PPHLN1: variants seen among roughly 807,000 people sequenced by gnomAD.
PPHLN1 encodes periphilin 1.
PPHLN1 carries 29 observed loss-of-function variants against 51.3 expected under a neutral mutation model. That is an observed-to-expected ratio of 0.57 (90% CI 0.42 to 0.77). The LOEUF is 0.77. PPHLN1 is among the 30% of genes least tolerant of loss of function. The pLI, the probability that PPHLN1 is intolerant of heterozygous loss-of-function variation, is 0.00. For missense variants in PPHLN1, 436 were observed against 438.4 expected, an observed-to-expected ratio of 0.99 and a Z score of 0.05; for synonymous variants, 147 against 147.8, an observed-to-expected ratio of 0.99 and a Z score of 0.04.
chr12:42,424,825 A>G (rs1349507196), intron 9 of PPHLN1, among the ~76,000 whole-genome samples: 1 of 152,230 alleles, frequency 6.6e-6, no homozygotes, highest in Non-Finnish European at 1.5e-5. Context: ...CCTGGATACT[A>G]TAAAAAAATG....
chr12:42,398,890 G>A lies in PPHLN1; in HGVS notation c.805G>A (p.Glu269Lys), dbSNP rs752186932. The change falls in exon 9 of 10, where the codon GAG becomes AAG. Residue 269 changes from glutamate (E) to lysine (K), a missense_variant. Transcript: ENST00000358314. ...AGCACCATTGTTTACTGACCAGCCA[G>A]AGGAACCTGAGTCAAACACAACACA... ...STAPLFTDQP[E>K]EPESNTTHGI... The A allele has an allele frequency of 1.4e-5, 22 of 1,613,962 alleles. No homozygotes were observed. Among genetic ancestry groups the A allele is most frequent in the Admixed American group, 8.3e-5 (5 of 60,000 alleles).
intron 4 of PPHLN1, among the ~76,000 whole-genome samples, chr12:42,370,193 A>C (rs539901480): frequency 1.3e-5 from 2 of 152,348 alleles, no homozygotes; most frequent in African/African-American, 4.8e-5. Flanking sequence ...CTTATGCAGA[A>C]TCCTGAGTCA....
intron 2 of PPHLN1, among the ~76,000 whole-genome samples, chr12:42,338,808 C>G (rs953557955): frequency 1.3e-5 from 2 of 152,130 alleles, no homozygotes; most frequent in Non-Finnish European, 2.9e-5. Flanking sequence ...AAATTATTGT[C>G]TCTTTGGGTG....
At chr12:42,428,681 C>A (rs1422447363) in intron 9 of PPHLN1, among the ~76,000 whole-genome samples, 1 of 152,034 alleles carries the variant, frequency 6.6e-6, no homozygotes, top group Non-Finnish European at 1.5e-5. Flanking sequence ...ATACTGCCTG[C>A]TCAGGTGATG....
chr12:42,354,379 C>T (rs774561293), intron 3 of PPHLN1, among the ~76,000 whole-genome samples: 20 of 151,868 alleles, frequency 1.3e-4, no homozygotes, highest in South Asian at 2.1e-4. Flanking sequence ...CCACCGTGCC[C>T]GGCTAATTTT....
chr12:42,398,794 C>T (rs1442592284), intron 8 of PPHLN1, 60 bp from the exon 9 acceptor site: 1 of 1,532,860 alleles, frequency 6.5e-7, no homozygotes, highest in African/African-American at 1.4e-5. Flanking sequence ...TATACACAAC[C>T]ATCTGAACTG....
intron 9 of PPHLN1, among the ~76,000 whole-genome samples, chr12:42,419,134 A>G (rs948122987): frequency 6.6e-6 from 1 of 152,206 alleles, no homozygotes; most frequent in Admixed American, 6.5e-5. Flanking sequence ...TGACCATAAA[A>G]TCTTCATCCT....
At chr12:42,350,558 G>A (rs1297071932) in intron 2 of PPHLN1, among the ~76,000 whole-genome samples, 3 of 152,190 alleles carry the variant, frequency 2.0e-5, no homozygotes, top group East Asian at 1.9e-4. Context: ...CTTCCTAGAC[G>A]GGGTGGTGGC....
At chr12:42,372,739 C>T (rs986741141) in intron 4 of PPHLN1, among the ~76,000 whole-genome samples, 2 of 152,110 alleles carry the variant, frequency 1.3e-5, no homozygotes, top group Non-Finnish European at 2.9e-5. Flanking sequence ...AAAATGTCCT[C>T]TGAGTTTGAG....
chr12:42,426,199 CACACACACACACACACACACACACACACA>C (rs1566010073), intron 9 of PPHLN1, among the ~76,000 whole-genome samples: 4 of 149,226 alleles, frequency 2.7e-5, no homozygotes, highest in African/African-American at 9.9e-5. Context: ...CACACACACA[CACACACACACACACACACACACACACACA>C]CCCTCATGCA....
chr12:42,349,873 G>C (rs1279864751), intron 2 of PPHLN1, among the ~76,000 whole-genome samples: 1 of 152,130 alleles, frequency 6.6e-6, no homozygotes, highest in Non-Finnish European at 1.5e-5. Context: ...TTTTCTATTT[G>C]ACAAAACCGC....
At chr12:42,425,412 A>T (rs1486113295) in intron 9 of PPHLN1, among the ~76,000 whole-genome samples, 2 of 126,670 alleles carry the variant, frequency 1.6e-5, no homozygotes, top group Non-Finnish European at 3.2e-5. Flanking sequence ...ATTGAGATGG[A>T]GTCTTGCTCT....
At chr12:42,348,917 T>C (rs1420465368) in intron 2 of PPHLN1, among the ~76,000 whole-genome samples, 6 of 152,220 alleles carry the variant, frequency 3.9e-5, no homozygotes, top group Non-Finnish European at 8.8e-5. Context: ...TGTATCATAT[T>C]TTATGTAAAT....
intron 7 of PPHLN1, among the ~76,000 whole-genome samples, chr12:42,388,607 T>G (rs930660376): frequency 2.0e-5 from 3 of 152,092 alleles, no homozygotes; most frequent in Non-Finnish European, 2.9e-5. Flanking sequence ...CTGGGCCCAC[T>G]TTTCTTTCTC....
chr12:42,417,943 G>GTTTTTTTTT (rs371302578), intron 9 of PPHLN1, among the ~76,000 whole-genome samples: 1 of 88,414 alleles, frequency 1.1e-5, no homozygotes, highest in Non-Finnish European at 2.2e-5. Context: ...TTTTTTTTTT[G>GTTTTTTTTT]TTTTTTTTTT....
rs541032793 is a variant in PPHLN1 at position 42,372,615 on chromosome 12, G to A, written c.300-2248G>A. 2.0e-5 allele frequency among the ~76,000 whole-genome samples: 3 copies of A among 152,138 alleles called. No individual in the cohort carries two copies. The South Asian group carries it at 6.2e-4, about 32-fold the overall frequency. The stretch of plus-strand genomic sequence containing the variant: ...TTCGACAGCCCATTTCTCTCTTCAT[G>A]GTAGAGTTTTTTTAGCCCCACGTTC... On this transcript the variant is annotated intron_variant, in intron 4 of 9. Transcript: ENST00000358314.
intron 9 of PPHLN1, among the ~76,000 whole-genome samples, chr12:42,410,390 A>G (rs937282681): frequency 3.3e-5 from 5 of 152,218 alleles, no homozygotes; most frequent in African/African-American, 9.6e-5. Context: ...TGCATAGTCA[A>G]CTGTGTACAA....
At chr12:42,351,829 C>T in intron 2 of PPHLN1, 56 bp from the exon 3 acceptor site, 2 of 1,454,992 alleles carry the variant, frequency 1.4e-6, no homozygotes, top group Non-Finnish European at 1.8e-6. Context: ...AAAAACCTTT[C>T]CAAAACCAAA....
downstream of PPHLN1, chr12:42,442,540 C>A: frequency 6.6e-7 from 1 of 1,508,432 alleles, no homozygotes; most frequent in Non-Finnish European, 9.0e-7. Context: ...CTTATCAGGA[C>A]TGCACTCTCT....
Sources: allele counts gnomAD v4.1 joint callset (sites outside exome capture counted in the v4.1 genomes callset), GRCh38; gene constraint gnomAD v4.1.1; transcripts MANE v1.5; gene names NCBI Gene and HGNC (gene_info 2026-07-23, HGNC 2026-07-21).